Variants in IL11RA observed in about 807,000 individuals in gnomAD.
The protein encoded by IL11RA is interleukin-11 receptor subunit alpha.
In IL11RA, 51 loss-of-function variants were observed where a neutral mutation model predicts 57.0. The observed-to-expected ratio is 0.89, with a 90% confidence interval of 0.71 to 1.13. The LOEUF (loss-of-function observed/expected upper bound fraction) is 1.13, where lower values mean the gene tolerates loss of function less well. Ranked by LOEUF, IL11RA falls within the 50% of genes most tolerant of loss-of-function variation. The pLI, the probability that IL11RA is intolerant of heterozygous loss-of-function variation, is 0.00. For missense variants in IL11RA, 498 were observed against 539.4 expected, an observed-to-expected ratio of 0.92 and a Z score of 0.76; for synonymous variants, 199 against 217.5, an observed-to-expected ratio of 0.91 and a Z score of 0.75.
rs1821392824 is a variant in IL11RA, at chr9:34,658,597, T to C, written c.724T>C (p.Tyr242His). Residue 242 changes from tyrosine (Y) to histidine (H), a missense_variant, in exon 8 of 13, where the codon TAC becomes CAC. Transcript: ENST00000441545. This position sits in a 1 kb window ranked among gnomAD's most constrained non-coding sequence, Gnocchi z 4.0. The stretch of plus-strand genomic sequence containing the variant: ...CCGACGCCTGCGAGCCAGCTGGACA[T>C]ACCCTGCCTCCTGGCCGTGCCAGCC... The part of the protein sequence containing the change: ...YPRRLRASWT[Y>H]PASWPCQPHF... The C allele has an allele frequency of 1.9e-6, 3 of 1,613,988 alleles. No homozygotes were observed. Among genetic ancestry groups the C allele is most frequent in the Non-Finnish European group, 2.5e-6 (3 of 1,180,020 alleles).
chr9:34,656,701 T>C, intron 3 of IL11RA, 38 bp from the exon 4 acceptor site: 1 of 1,611,478 alleles, frequency 6.2e-7, no homozygotes, highest in Non-Finnish European at 8.5e-7. Flanking sequence ...ATGCTTGACA[T>C]CTTGTCTTTG....
In IL11RA at chr9:34,655,318, G is replaced by C. The variant is rs762780989; in HGVS notation, c.100+1G>C. 24 of 1,559,472 alleles carry C rather than the reference G, an allele frequency of 1.5e-5. No individual in the cohort carries two copies. The highest frequency in any genetic ancestry group is 2.1e-5 in the Non-Finnish European group (24 of 1,132,574). On this transcript the variant is annotated splice_donor_variant, in intron 2 of 12. Transcript: ENST00000441545. LOFTEE classifies it high-confidence loss of function. Reference sequence around the variant, plus strand: ...TGCCCCCAGGCCTGGGGCCCCCCAGGTGAGAAGAACCCTGCTCTACAACCT... The same window carrying C: ...TGCCCCCAGGCCTGGGGCCCCCCAGCTGAGAAGAACCCTGCTCTACAACCT...
At chr9:34,652,510 C>T (rs556278283) in intron 1 of IL11RA, among the ~76,000 whole-genome samples, 270 of 151,762 alleles carry the variant, frequency 1.8e-3, no homozygotes, top group African/African-American at 6.2e-3. Flanking sequence ...TTTGGTGGGA[C>T]TGGGTTGTGT....
In IL11RA at chr9:34,660,849, C is replaced by A; in HGVS notation, c.1170-5C>A. ...TGGAGAGACAGCTGCCTTTCTATGC[C>A]CCAGGCTGAGGCTGAGACGGGGTGG... is the stretch of plus-strand genomic sequence containing the variant. On this transcript the variant is annotated splice_region_variant and splice_polypyrimidine_tract_variant and intron_variant, in intron 11 of 12. Transcript: ENST00000441545. 6.2e-7 allele frequency: 1 copy of A among 1,613,768 alleles called. No homozygotes were observed. The highest frequency in any genetic ancestry group is 1.6e-4 in the Middle Eastern group (1 of 6,062).
At position 34,658,019 on chromosome 9, in the gene IL11RA, G is replaced by C. The variant is rs1184709694; in HGVS notation, c.646+432G>C. Among the ~76,000 whole-genome samples the C allele has an allele frequency of 6.6e-6, 1 of 152,168 alleles. No homozygotes were observed. Among genetic ancestry groups the C allele is most frequent in the African/African-American group, 2.4e-5 (1 of 41,444 alleles). On this transcript the variant is annotated intron_variant, in intron 7 of 12. Coordinates refer to ENST00000441545, the MANE Select transcript of IL11RA (RefSeq NM_001142784.3). The surrounding 1 kb of genome is among the most constrained non-coding windows in gnomAD (Gnocchi z 4.0). Reference sequence around the variant, plus strand: ...TTCAAAAGTCCACCCGCAGATCTCAGGTGGTTTCTTTTTTTCTTTCTCTTC... The same window carrying C: ...TTCAAAAGTCCACCCGCAGATCTCACGTGGTTTCTTTTTTTCTTTCTCTTC...
In IL11RA at chr9:34,658,235, T is replaced by G. The variant is rs560126493; in HGVS notation, c.647-285T>G. ...TTTAAAATTTTTTGTAGAGACAGGG[T>G]TTTGCTACGTTGCCCACGCTGGTCT... is the stretch of plus-strand genomic sequence containing the variant. On this transcript the variant is annotated intron_variant, in intron 7 of 12. Transcript: ENST00000441545. The surrounding 1 kb of genome is among the most constrained non-coding windows in gnomAD (Gnocchi z 4.0). 1.8e-4 allele frequency among the ~76,000 whole-genome samples: 27 copies of G among 152,204 alleles called. No individual in the cohort carries two copies. Among genetic ancestry groups the G allele is most frequent in the Admixed American group, 3.3e-4 (5 of 15,288 alleles).
Position 34,656,917 on chromosome 9 carries a change from G to T in IL11RA, c.331+9G>T, listed in dbSNP as rs1333104303. On this transcript the variant is annotated intron_variant, in intron 4 of 12. Transcript: ENST00000441545. ...GACCCTGCAGCTGGGCTGTGAGTTG[G>T]GGAGGGTGGCACTGATGACACATAG... 6.2e-7 allele frequency: 1 copy of T among 1,614,072 alleles called. No homozygotes were observed. The highest frequency in any genetic ancestry group is 8.5e-7 in the Non-Finnish European group (1 of 1,179,982).
Position 34,659,782 on chromosome 9 carries a change from G to A in IL11RA, c.834G>A (p.Glu278=), listed in dbSNP as rs1821416119. The change falls in exon 9 of 13, where the codon GAG becomes GAA. Residue 278 remains glutamate (E), a synonymous_variant. Transcript: ENST00000441545. ...WSTVEPAGLE[E]VITDAVAGLP... Reference sequence around the variant, plus strand: ...AGGTGGAGCCAGCTGGACTGGAGGAGGTGATCACAGATGCTGTGGCTGGGC... The same window carrying A: ...AGGTGGAGCCAGCTGGACTGGAGGAAGTGATCACAGATGCTGTGGCTGGGC... 6.2e-7 allele frequency: 1 copy of A among 1,614,092 alleles called. No individual in the cohort carries two copies. Among genetic ancestry groups the A allele is most frequent in the Non-Finnish European group, 8.5e-7 (1 of 1,180,040 alleles).
intron 9 of IL11RA, among the ~76,000 whole-genome samples, 166 bp downstream of exon 9, chr9:34,660,066 G>T (rs1366758324): frequency 2.0e-5 from 3 of 152,234 alleles, no homozygotes; most frequent in Non-Finnish European, 2.9e-5. Context: ...CTTAGCTTAA[G>T]TCCTGCCCCT....
In IL11RA at chr9:34,657,412, C is replaced by T; in HGVS notation, c.480-9C>T. 4 of 1,614,160 alleles carry T rather than the reference C, an allele frequency of 2.5e-6. No individual in the cohort carries two copies. Among genetic ancestry groups the T allele is most frequent in the Non-Finnish European group, 3.4e-6 (4 of 1,180,006 alleles). ...TTTTCAAAGCCAAAGACCACATCCT[C>T]CCTTCTAGGAGGAGTCCATCCACAG... On this transcript the variant is annotated splice_polypyrimidine_tract_variant and intron_variant, in intron 6 of 12. Transcript: ENST00000441545.
At position 34,656,865 on chromosome 9, in the gene IL11RA, C is replaced by G. The variant is rs911579661; in HGVS notation, c.288C>G (p.Thr96=). ...STDEGTYICQ[T]LDGALGGTVT... is the part of the protein sequence containing the mutation. Reference sequence around the variant, plus strand: ...ATGAGGGCACCTACATCTGCCAGACCCTGGATGGTGCACTTGGGGGCACAG... The same window carrying G: ...ATGAGGGCACCTACATCTGCCAGACGCTGGATGGTGCACTTGGGGGCACAG... Residue 96 remains threonine (T), a synonymous_variant, in exon 4 of 13, where the codon ACC becomes ACG. Transcript: ENST00000441545. 1 of 1,614,124 alleles carries G rather than the reference C, an allele frequency of 6.2e-7. No homozygotes were observed. Among genetic ancestry groups the G allele is most frequent in the South Asian group, 1.1e-5 (1 of 91,086 alleles).
intron 7 of IL11RA, among the ~76,000 whole-genome samples, chr9:34,657,796 C>T (rs1821377011): frequency 6.6e-6 from 1 of 152,214 alleles, no homozygotes; most frequent in South Asian, 2.1e-4. Flanking sequence ...CTGCTGCTAC[C>T]CACACTGCCT....
At chr9:34,660,195 A>G in intron 9 of IL11RA, 79 bp from the exon 10 acceptor site, 1 of 1,606,030 alleles carries the variant, frequency 6.2e-7, no homozygotes. Flanking sequence ...CTTCCAACCT[A>G]GGCCTTGGCC....
intron 10 of IL11RA, 47 bp from the exon 11 acceptor site, chr9:34,660,457 G>C: frequency 6.2e-7 from 1 of 1,614,038 alleles, no homozygotes; most frequent in Non-Finnish European, 8.5e-7. Flanking sequence ...AGGGGACACC[G>C]AGCTTGGTCA....
chr9:34,657,228 G>T (rs1020296640), intron 5 of IL11RA, 75 bp from the exon 6 acceptor site: 2 of 1,607,762 alleles, frequency 1.2e-6, no homozygotes, highest in Non-Finnish European at 1.7e-6. Flanking sequence ...AGGGAGGTAG[G>T]TTCTGAGGAA....
Position 34,661,555 on chromosome 9 carries a change from T to C in IL11RA, c.*57T>C. The C allele has an allele frequency of 6.4e-7, 1 of 1,567,270 alleles. No individual in the cohort carries two copies. Among genetic ancestry groups the C allele is most frequent in the South Asian group, 1.1e-5 (1 of 90,214 alleles). On this transcript the variant is annotated 3_prime_UTR_variant, in exon 13 of 13. Transcript: ENST00000441545. ...TATAATTCTGTCTTGCTGGTGTGGA[T>C]AGAAACCAGGCAGGACAGTAGATCC...
At chr9:34,661,158 C>G (rs1159196801) in intron 12 of IL11RA, among the ~76,000 whole-genome samples, 1 of 152,074 alleles carries the variant, frequency 6.6e-6, no homozygotes, top group African/African-American at 2.4e-5. Context: ...TGAGGAAGGA[C>G]CCCAGGTGGA....
intron 9 of IL11RA, 120 bp downstream of exon 9, chr9:34,660,020 G>C: frequency 4.4e-6 from 6 of 1,355,960 alleles, no homozygotes; most frequent in Non-Finnish European, 6.2e-6. Flanking sequence ...GGCAATTGCT[G>C]TCCCAGACTT....
In IL11RA at chr9:34,657,338, A is replaced by G; in HGVS notation, c.479+3A>G. The G allele has an allele frequency of 1.2e-6, 2 of 1,614,152 alleles. No homozygotes were observed. Among genetic ancestry groups the G allele is most frequent in the Non-Finnish European group, 1.7e-6 (2 of 1,180,010 alleles). Reference sequence around the variant, plus strand: ...GTCCTAGGAGCTGATAGCCAGAGGTAGGACGTGAGGGAGCATGTGGGGGCT... The same window carrying G: ...GTCCTAGGAGCTGATAGCCAGAGGTGGGACGTGAGGGAGCATGTGGGGGCT... On this transcript the variant is annotated splice_donor_region_variant and intron_variant, in intron 6 of 12. Coordinates refer to ENST00000441545, the MANE Select transcript of IL11RA (RefSeq NM_001142784.3).
Sources: gnomAD v4.1 joint callset for allele counts (sites outside exome capture counted in the v4.1 genomes callset) on GRCh38, gnomAD v4.1.1 for gene constraint, Gnocchi (gnomAD v3.1) non-coding constraint, MANE v1.5 for transcripts, NCBI Gene and HGNC (gene_info 2026-07-23, HGNC 2026-07-21) for gene names.